Variants in RIMS1 observed in about 807,000 individuals in gnomAD.
RIMS1 encodes the protein regulating synaptic membrane exocytosis 1.
In RIMS1, 83 loss-of-function variants were observed where a neutral mutation model predicts 214.1. The ratio of observed to expected loss-of-function variants is 0.39; its 90% CI spans 0.32 to 0.47. RIMS1 has a LOEUF of 0.47. Ranked by LOEUF, RIMS1 falls within the 20% of genes least tolerant of loss-of-function variation. RIMS1 has a pLI of 0.99. For missense variants in RIMS1, 2,050 were observed against 2,161.8 expected (o/e 0.95, Z 1.03); for synonymous variants, 793 against 786.8 (o/e 1.01, Z -0.13).
chr6:72,327,328 A>T (rs1051242014), intron 28 of RIMS1, among the ~76,000 whole-genome samples: 8 of 151,894 alleles, frequency 5.3e-5, no homozygotes, highest in African/African-American at 1.9e-4. Context: ...CATACCTATC[A>T]GTATGAGGTC....
At chr6:72,261,714 G>C (rs1254427472) in intron 19 of RIMS1, 1 of 985,120 alleles carries the variant, frequency 1.0e-6, no homozygotes, top group Non-Finnish European at 1.2e-6. Context: ...TATTATGTCT[G>C]TGTGTAATAT....
intron 2 of RIMS1, among the ~76,000 whole-genome samples, chr6:72,071,132 C>T (rs1200055086): frequency 6.6e-6 from 1 of 152,150 alleles, no homozygotes; most frequent in African/African-American, 2.4e-5. Flanking sequence ...CACAGTGGCT[C>T]ATGCCTGTAA....
Position 72,054,555 on chromosome 6 carries a change from C to T in RIMS1, c.246-42394C>T, listed in dbSNP as rs543485918. 3.2e-3 allele frequency among the ~76,000 whole-genome samples: 482 copies of T among 152,248 alleles called. 4 individuals carry two copies. Among genetic ancestry groups the T allele is most frequent in the South Asian group, 0.011 (52 of 4,818 alleles). Reference sequence around the variant, plus strand: ...TACATTCCCACCGACAGTGTACAAGCGTTCCTATTTCTCCACAGCCTCGCC... The same window carrying T: ...TACATTCCCACCGACAGTGTACAAGTGTTCCTATTTCTCCACAGCCTCGCC... On this transcript the variant is annotated intron_variant, in intron 2 of 33. Coordinates refer to ENST00000521978, the MANE Select transcript of RIMS1 (RefSeq NM_014989.7).
chr6:71,959,792 A>G (rs979985019), intron 1 of RIMS1, among the ~76,000 whole-genome samples: 1 of 152,158 alleles, frequency 6.6e-6, no homozygotes, highest in Non-Finnish European at 1.5e-5. Flanking sequence ...CTCAACACAA[A>G]ATACTTCACA....
intron 26 of RIMS1, among the ~76,000 whole-genome samples, chr6:72,303,715 T>G (rs936827660): frequency 6.6e-6 from 1 of 151,514 alleles, no homozygotes; most frequent in South Asian, 2.1e-4. Flanking sequence ...GAACAATGTA[T>G]ATAAAGTTGG....
intron 2 of RIMS1, among the ~76,000 whole-genome samples, chr6:71,994,555 A>T (rs1452138773): frequency 6.6e-6 from 1 of 152,174 alleles, no homozygotes; most frequent in African/African-American, 2.4e-5. Context: ...CATCTTAAAT[A>T]TAGTTTTTTA....
chr6:72,180,558 G>A (rs1202336064), intron 5 of RIMS1, among the ~76,000 whole-genome samples: 1 of 152,250 alleles, frequency 6.6e-6, no homozygotes, highest in Non-Finnish European at 1.5e-5. Context: ...TGAAAGGGAA[G>A]CCACTGAATA....
chr6:71,954,307 C>T (rs1389669935), intron 1 of RIMS1, among the ~76,000 whole-genome samples: 2 of 152,148 alleles, frequency 1.3e-5, no homozygotes, highest in African/African-American at 2.4e-5. Context: ...CTGAGAAATA[C>T]TGAATGCAAA....
intron 16 of RIMS1, among the ~76,000 whole-genome samples, chr6:72,257,450 T>G (rs1325213569): frequency 1.3e-5 from 2 of 152,074 alleles, no homozygotes; most frequent in Non-Finnish European, 2.9e-5. Flanking sequence ...TGGAGTAGTT[T>G]CAGATGTGTA....
Position 72,259,066 on chromosome 6 carries a change from A to G in RIMS1, c.3008A>G (p.His1003Arg), listed in dbSNP as rs1375710338. 3.1e-6 allele frequency: 5 copies of G among 1,612,662 alleles called. No homozygotes were observed. Among genetic ancestry groups the G allele is most frequent in the East Asian group, 2.2e-5 (1 of 44,834 alleles). The change falls in exon 18 of 34, where the codon CAT becomes CGT. Residue 1003 changes from histidine (H) to arginine (R), a missense_variant. Physicochemically the swap from His to Arg is conservative, Grantham distance 29 (BLOSUM62 0). Transcript: ENST00000521978. ...GATGCCTCCCGAAGTCCAGTTGATC[A>G]TAGAACCAGAGATGTGGATAGTCAG... Reference protein sequence around the residue: ...HHDASRSPVDHRTRDVDSQYL... With the variant: ...HHDASRSPVDRRTRDVDSQYL...
At position 72,284,088 on chromosome 6, in the gene RIMS1, C is replaced by A. The variant is rs1333413317; in HGVS notation, c.3524C>A (p.Thr1175Asn). Residue 1175 changes from threonine to asparagine, a missense_variant, in exon 24 of 34, where the codon ACT (threonine) becomes AAT (asparagine). Thr to Asn is a moderately conservative substitution (Grantham distance 65, BLOSUM62 0). Around this residue, in one of 6 missense-constraint regions of RIMS1, gnomAD observed 889 missense variants for 885.5 expected, o/e 1.00. Coordinates refer to ENST00000521978, the MANE Select transcript of RIMS1 (RefSeq NM_014989.7). ...GAAAGATCTAGCATCCAAAAACAGA[C>A]TAGGAAAGGCACTGCCTCTGATGCA... The part of the protein sequence containing the change: ...KSERSSIQKQ[T>N]RKGTASDAER... 6.2e-7 allele frequency: 1 copy of A among 1,613,186 alleles called. No homozygotes were observed. Among genetic ancestry groups the A allele is most frequent in the Non-Finnish European group, 8.5e-7 (1 of 1,179,318 alleles).
At chr6:72,030,146 A>C (rs1028591165) in intron 2 of RIMS1, among the ~76,000 whole-genome samples, 2 of 152,200 alleles carry the variant, frequency 1.3e-5, no homozygotes, top group Admixed American at 1.3e-4. Context: ...ATCTTTAATG[A>C]ACATGCAAAT....
intron 28 of RIMS1, among the ~76,000 whole-genome samples, chr6:72,322,402 C>T (rs1310694492): frequency 2.6e-5 from 4 of 152,154 alleles, no homozygotes; most frequent in Non-Finnish European, 4.4e-5. Context: ...ATGATTTTAA[C>T]GTATGTCTTC....
chr6:72,182,236 T>G, intron 5 of RIMS1, 48 bp from the exon 6 acceptor site: 1 of 1,503,558 alleles, frequency 6.7e-7, no homozygotes, highest in Non-Finnish European at 8.9e-7. Context: ...GTTTTTTATG[T>G]CTAGTCTTTA....
At chr6:72,279,906 C>T (rs2089196275) in intron 23 of RIMS1, among the ~76,000 whole-genome samples, 1 of 151,774 alleles carries the variant, frequency 6.6e-6, no homozygotes, top group Admixed American at 6.6e-5. Context: ...GTCTATACTG[C>T]CTTGTTGCAT....
Position 72,095,309 on chromosome 6 carries a change from G to A in RIMS1, c.246-1640G>A, listed in dbSNP as rs567403517. On this transcript the variant is annotated intron_variant, in intron 2 of 33. Coordinates refer to ENST00000521978, the MANE Select transcript of RIMS1 (RefSeq NM_014989.7). ...TAGTGGAAGAAGTAAGATTGCCGGT[G>A]CCATTTTGCATGATAACTTTTGAAA... 5.9e-5 allele frequency among the ~76,000 whole-genome samples: 9 copies of A among 152,004 alleles called. No homozygotes were observed. In the South Asian group the frequency reaches 1.7e-3, roughly 28 times the overall value.
At chr6:72,096,174 G>T (rs1296237605) in intron 2 of RIMS1, among the ~76,000 whole-genome samples, 1 of 152,146 alleles carries the variant, frequency 6.6e-6, no homozygotes, top group African/African-American at 2.4e-5. Context: ...ATCAGGAGTG[G>T]TTGCTAGCAA....
At chr6:72,352,962 T>G (rs1001595067) in intron 29 of RIMS1, among the ~76,000 whole-genome samples, 40 of 151,646 alleles carry the variant, frequency 2.6e-4, no homozygotes, top group African/African-American at 9.4e-4. Flanking sequence ...TTAAGTCATT[T>G]GAGAGTTTAC....
intron 6 of RIMS1, 49 bp from the exon 7 acceptor site, chr6:72,233,724 C>G (rs1250440041): frequency 7.7e-7 from 1 of 1,294,126 alleles, no homozygotes; most frequent in Non-Finnish European, 1.1e-6. Flanking sequence ...AAGTGATACA[C>G]TCTTCTCTTT....
Sources: gnomAD v4.1 joint callset for allele counts (sites outside exome capture counted in the v4.1 genomes callset) on GRCh38, gnomAD v4.1.1 for gene constraint, gnomAD v4.1.1 regional missense constraint, MANE v1.5 for transcripts, NCBI Gene and HGNC (gene_info 2026-07-23, HGNC 2026-07-21) for gene names.